PCDHA2: variants seen among roughly 807,000 people sequenced by gnomAD.
The protein encoded by PCDHA2 is protocadherin alpha-2.
Under a neutral mutation model 66.0 loss-of-function variants are expected in PCDHA2, and 58 were observed. That is an observed-to-expected ratio of 0.88 (90% CI 0.71 to 1.09). The LOEUF (loss-of-function observed/expected upper bound fraction) is 1.09, where lower values mean the gene tolerates loss of function less well. PCDHA2 is among the 50% of genes least tolerant of loss of function. The pLI, the probability that PCDHA2 is intolerant of heterozygous loss-of-function variation, is 0.00. For missense variants in PCDHA2, 1,267 were observed against 1,242.3 expected, an observed-to-expected ratio of 1.02 and a Z score of -0.30; for synonymous variants, 634 against 554.0, an observed-to-expected ratio of 1.14 and a Z score of -2.03.
rs79304807 is a variant in PCDHA2 at position 140,914,832 on chromosome 5, A to G, written c.2389-64117A>G. ...ACTTAACAGACTGCATAAACAAAAA[A>G]CAAACACACAAAAGGAAGACTAATA... On this transcript the variant is annotated intron_variant, in intron 1 of 3. Transcript: ENST00000526136. 8.0e-3 allele frequency among the ~76,000 whole-genome samples: 1,220 copies of G among 152,292 alleles called. 6 individuals carry two copies. Among genetic ancestry groups the G allele is most frequent in the African/African-American group, 0.019 (787 of 41,574 alleles).
chr5:140,837,350 T>C (rs1318218282), intron 1 of PCDHA2, among the ~76,000 whole-genome samples: 1 of 152,032 alleles, frequency 6.6e-6, no homozygotes, highest in Non-Finnish European at 1.5e-5. Context: ...TAAAATAGTT[T>C]AAATGGCAGT....
intron 1 of PCDHA2, among the ~76,000 whole-genome samples, chr5:140,948,690 T>C (rs1241278993): frequency 6.6e-6 from 1 of 151,592 alleles, no homozygotes; most frequent in Non-Finnish European, 1.5e-5. Context: ...TTTTTGATAT[T>C]GGTGATTTGT....
chr5:141,000,361 G>GTCTC (rs148596731), intron 3 of PCDHA2, among the ~76,000 whole-genome samples: 446 of 26,454 alleles, frequency 0.017, 11 homozygotes, highest in Non-Finnish European at 0.022. Flanking sequence ...GTCTCTCTCT[G>GTCTC]TCTCTCTCTC....
At chr5:140,856,666 G>A (rs782273873) in intron 1 of PCDHA2, 1 of 1,598,010 alleles carries the variant, frequency 6.3e-7, no homozygotes, top group Admixed American at 1.7e-5. Flanking sequence ...AAAATCCTCA[G>A]CTAAAGTTGT....
intron 1 of PCDHA2, among the ~76,000 whole-genome samples, chr5:140,970,213 A>AAAT (rs1198069658): frequency 6.6e-5 from 10 of 152,242 alleles, no homozygotes; most frequent in Admixed American, 2.0e-4. Context: ...AATTTAGCTT[A>AAAT]AATGCAGCCT....
intron 1 of PCDHA2, chr5:140,926,750 G>C (rs2083528007): frequency 8.0e-7 from 1 of 1,256,516 alleles, no homozygotes; most frequent in Non-Finnish European, 1.0e-6. Flanking sequence ...AACGTCGGCG[G>C]TCGCTGAGTA....
chr5:140,805,306 T>C, intron 1 of PCDHA2: 1 of 1,274,934 alleles, frequency 7.8e-7, no homozygotes, highest in Non-Finnish European at 9.9e-7. Flanking sequence ...GAATTCTTCC[T>C]CCTTTTTTCC....
At chr5:140,830,386 C>G (rs1771037269) in intron 1 of PCDHA2, 10 of 1,614,032 alleles carry the variant, frequency 6.2e-6, no homozygotes, top group Non-Finnish European at 8.5e-6. Flanking sequence ...AGGGCCCACC[C>G]AAGATGGATC....
chr5:140,840,555 T>C (rs1418325429), intron 1 of PCDHA2, among the ~76,000 whole-genome samples: 1 of 152,084 alleles, frequency 6.6e-6, no homozygotes, highest in African/African-American at 2.4e-5. Flanking sequence ...ATGGCAATAC[T>C]GCTAGAGTTT....
chr5:140,999,527 C>T (rs578180518), intron 3 of PCDHA2, among the ~76,000 whole-genome samples: 27 of 152,206 alleles, frequency 1.8e-4, no homozygotes, highest in African/African-American at 5.8e-4. Flanking sequence ...TTGTTACCCC[C>T]TGGATATGAC....
At chr5:140,928,977 T>C in intron 1 of PCDHA2, 1 of 1,613,888 alleles carries the variant, frequency 6.2e-7, no homozygotes, top group Non-Finnish European at 8.5e-7. Context: ...CCTTTTTATT[T>C]CTGGGGTGCT....
chr5:140,826,678 A>T (rs2150144897), intron 1 of PCDHA2, among the ~76,000 whole-genome samples: 79,540 of 151,996 alleles, frequency 0.52, 20,975 homozygotes, highest in Middle Eastern at 0.64. Context: ...AGACGTAATT[A>T]AAAAAACCCA....
Position 140,947,404 on chromosome 5 carries a change from T to C in PCDHA2, c.2389-31545T>C, listed in dbSNP as rs1305199507. On this transcript the variant is annotated intron_variant, in intron 1 of 3. Transcript: ENST00000526136. ...ATCCTTTCACTAAAAGTAGACTGTC[T>C]TGATATTGTAGCTTTATAAATTTGA... is the stretch of plus-strand genomic sequence containing the variant. Among the ~76,000 whole-genome samples the C allele has an allele frequency of 2.6e-5, 4 of 151,736 alleles. No individual in the cohort carries two copies. In the East Asian group the frequency reaches 5.8e-4, roughly 22 times the overall value.
At chr5:140,808,103 G>A in intron 1 of PCDHA2, 1 of 1,613,814 alleles carries the variant, frequency 6.2e-7, no homozygotes, top group Non-Finnish European at 8.5e-7. Context: ...TATTGTAAAG[G>A]GATATATTGA....
At chr5:140,945,762 G>A (rs570176768) in intron 1 of PCDHA2, among the ~76,000 whole-genome samples, 122 of 152,196 alleles carry the variant, frequency 8.0e-4, no homozygotes, top group South Asian at 2.3e-3. Context: ...ATGGTGGTGG[G>A]ACAATTTGAT....
chr5:140,882,352 T>A, intron 1 of PCDHA2: 1 of 1,614,166 alleles, frequency 6.2e-7, no homozygotes, highest in Non-Finnish European at 8.5e-7. Context: ...AGACGGGTAG[T>A]GGCCAGCTCC....
intron 1 of PCDHA2, among the ~76,000 whole-genome samples, chr5:140,899,542 G>A (rs2067394532): frequency 6.6e-6 from 1 of 152,156 alleles, no homozygotes; most frequent in Non-Finnish European, 1.5e-5. Flanking sequence ...ACTTGATCAT[G>A]GTGGATAAGC....
chr5:140,983,704 A>T (rs1364816662), intron 3 of PCDHA2, among the ~76,000 whole-genome samples: 3 of 152,226 alleles, frequency 2.0e-5, no homozygotes, highest in Non-Finnish European at 4.4e-5. Flanking sequence ...AAATCCAAGT[A>T]TATCTAGCAC....
At chr5:140,856,761 C>G (rs377564040) in intron 1 of PCDHA2, 2 of 1,596,598 alleles carry the variant, frequency 1.3e-6, no homozygotes, top group South Asian at 2.2e-5. Context: ...AATGATAACG[C>G]CCCTATCTTT....
Sources: gnomAD v4.1 joint callset for allele counts (sites outside exome capture counted in the v4.1 genomes callset) on GRCh38, gnomAD v4.1.1 for gene constraint, MANE v1.5 for transcripts, NCBI Gene and HGNC (gene_info 2026-07-23, HGNC 2026-07-21) for gene names.